Variants in NFIB observed in about 807,000 individuals in gnomAD.
The protein encoded by NFIB is nuclear factor 1 B-type.
In NFIB, 11 loss-of-function variants were observed where a neutral mutation model predicts 61.5. The observed-to-expected ratio is 0.18, with a 90% CI of 0.11 to 0.30. NFIB has a LOEUF of 0.30. Ranked by LOEUF, NFIB falls within the 10% of genes least tolerant of loss-of-function variation. NFIB has a pLI of 1.00. For synonymous variants in NFIB, 260 were observed against 216.5 expected, an observed-to-expected ratio of 1.20 and a Z score of -1.76; for missense variants, 471 against 608.9, an observed-to-expected ratio of 0.77 and a Z score of 2.38.
chr9:14,161,753 C>G (rs1290829143), intron 3 of NFIB, among the ~76,000 whole-genome samples: 1 of 152,098 alleles, frequency 6.6e-6, no homozygotes, highest in Admixed American at 6.6e-5. Flanking sequence ...ATACACAAAT[C>G]TTTGTCAGCC....
intron 2 of NFIB, among the ~76,000 whole-genome samples, chr9:14,190,803 C>T (rs2047864777): frequency 6.6e-6 from 1 of 152,144 alleles, no homozygotes; most frequent in African/African-American, 2.4e-5. Flanking sequence ...TTTGAAAGAA[C>T]TTTGAAAAGT....
chr9:14,158,903 G>A (rs1421458372), intron 3 of NFIB, among the ~76,000 whole-genome samples: 2 of 152,160 alleles, frequency 1.3e-5, no homozygotes, highest in African/African-American at 4.8e-5. Context: ...AAAAATATTT[G>A]TGAAACACAT....
intron 1 of NFIB, among the ~76,000 whole-genome samples, chr9:14,351,790 T>G (rs1171920839): frequency 2.0e-5 from 3 of 152,200 alleles, no homozygotes. Flanking sequence ...TTCTCACCAT[T>G]TTTCAAATCA....
chr9:14,310,993 G>T (rs1213966970), intron 1 of NFIB, among the ~76,000 whole-genome samples: 1 of 151,966 alleles, frequency 6.6e-6, no homozygotes, highest in Non-Finnish European at 1.5e-5. Flanking sequence ...AGCAACGAAA[G>T]AAAAATATAT....
the NFIB span, among the ~76,000 whole-genome samples, chr9:14,481,504 G>A: frequency 1.9e-3 from 294 of 151,662 alleles, 6 homozygotes; most frequent in East Asian, 0.039. Flanking sequence ...ACACTCTCTC[G>A]ATGAAAATTG....
chr9:14,314,103 C>T lies in NFIB; in HGVS notation c.-592G>A. 9.7e-7 allele frequency: 1 copy of T among 1,032,934 alleles called. No individual in the cohort carries two copies. The highest frequency in any genetic ancestry group is 1.2e-6 in the Non-Finnish European group (1 of 860,394). 64.0% of individuals were successfully genotyped at this position (1,032,934 alleles called of 1,614,324 possible). On this transcript the variant is annotated 5_prime_UTR_variant, in exon 1 of 11. Transcript: ENST00000380953. ...TCGCAGGCGAAACTTTGCCGCGAGCCGACCATGTGTGTGCGCGAGGGGCAG... is the reference window on the plus strand; with the variant it reads ...TCGCAGGCGAAACTTTGCCGCGAGCTGACCATGTGTGTGCGCGAGGGGCAG...
chr9:14,503,405 C>T, the NFIB span, among the ~76,000 whole-genome samples: 5 of 152,162 alleles, frequency 3.3e-5, no homozygotes, highest in African/African-American at 4.8e-5. Context: ...GACATTCCCA[C>T]CAACAGTGTA....
intron 2 of NFIB, 107 bp downstream of exon 2, chr9:14,306,882 G>A: frequency 1.5e-6 from 2 of 1,356,552 alleles, no homozygotes; most frequent in Non-Finnish European, 2.0e-6. Context: ...AGAGGGTGGA[G>A]GATATCTAGG....
intron 2 of NFIB, among the ~76,000 whole-genome samples, chr9:14,234,082 G>GA (rs2053491499): frequency 6.6e-6 from 1 of 152,254 alleles, no homozygotes; most frequent in Middle Eastern, 3.4e-3. Flanking sequence ...GTGACTCTTG[G>GA]AAAATCCAGG....
At chr9:14,252,264 T>C (rs895104516) in intron 2 of NFIB, among the ~76,000 whole-genome samples, 4 of 152,206 alleles carry the variant, frequency 2.6e-5, no homozygotes, top group African/African-American at 9.6e-5. Flanking sequence ...TATTTCCCAA[T>C]GCCTTAAAAA....
At chr9:14,213,397 C>T (rs1472500823) in intron 2 of NFIB, among the ~76,000 whole-genome samples, 1 of 152,224 alleles carries the variant, frequency 6.6e-6, no homozygotes, top group Non-Finnish European at 1.5e-5. Flanking sequence ...CATCCATTCT[C>T]CACAGCAGTG....
chr9:14,481,197 GTATA>G, the NFIB span, among the ~76,000 whole-genome samples: 1,140 of 45,808 alleles, frequency 0.025, 77 homozygotes, highest in Admixed American at 0.084. Flanking sequence ...GTGTGTGTGT[GTATA>G]TATATATATA....
At chr9:14,506,943 G>C in the NFIB span, among the ~76,000 whole-genome samples, 1 of 152,248 alleles carries the variant, frequency 6.6e-6, no homozygotes, top group South Asian at 2.1e-4. Flanking sequence ...TGTTAGGCGT[G>C]TTTTAAATAC....
chr9:14,288,973 G>A (rs1349257848), intron 2 of NFIB, among the ~76,000 whole-genome samples: 3 of 151,138 alleles, frequency 2.0e-5, no homozygotes, highest in South Asian at 2.1e-4. Context: ...TTGACTATAT[G>A]ATGATACATA....
chr9:14,219,256 G>C (rs1023243841), intron 2 of NFIB, among the ~76,000 whole-genome samples: 8 of 152,102 alleles, frequency 5.3e-5, no homozygotes, highest in Admixed American at 4.6e-4. Flanking sequence ...TTTTCAACAA[G>C]AAGAGCAAAT....
intron 2 of NFIB, among the ~76,000 whole-genome samples, chr9:14,282,674 G>A (rs1320055944): frequency 6.6e-6 from 1 of 152,166 alleles, no homozygotes; most frequent in African/African-American, 2.4e-5. Flanking sequence ...TGATCAGGAA[G>A]GCAAGAGTAG....
At chr9:14,378,143 C>T (rs2061441374) in intron 1 of NFIB, among the ~76,000 whole-genome samples, 1 of 152,180 alleles carries the variant, frequency 6.6e-6, no homozygotes. Flanking sequence ...TAATTAACTA[C>T]TGTTTTCCTC....
chr9:14,129,994 AC>A (rs2040212691), intron 6 of NFIB, among the ~76,000 whole-genome samples: 1 of 152,162 alleles, frequency 6.6e-6, no homozygotes, highest in African/African-American at 2.4e-5. Context: ...ATCAGACAGA[AC>A]AATTTAAATT....
chr9:14,285,604 G>C (rs1231998205), intron 2 of NFIB, among the ~76,000 whole-genome samples: 1 of 152,170 alleles, frequency 6.6e-6, no homozygotes, highest in African/African-American at 2.4e-5. Flanking sequence ...TCAAAATTCT[G>C]ACTCTGTCAC....
Sources: gnomAD v4.1 joint callset for allele counts (sites outside exome capture counted in the v4.1 genomes callset) on GRCh38, gnomAD v4.1.1 for gene constraint, MANE v1.5 for transcripts, NCBI Gene and HGNC (gene_info 2026-07-23, HGNC 2026-07-21) for gene names.